The following MYO10 variants were observed in gnomAD, a reference collection of about 807,000 sequenced individuals.
The protein encoded by MYO10 is unconventional myosin-X.
Under a neutral mutation model 257.3 loss-of-function variants are expected in MYO10, and 133 were observed. The observed-to-expected ratio is 0.52, with a 90% CI of 0.45 to 0.60. The LOEUF is 0.60. Ranked by LOEUF, MYO10 falls within the 20% of genes least tolerant of loss-of-function variation. MYO10 has a pLI of 0.00. For missense variants in MYO10, 2,399 were observed against 2,635.7 expected (o/e 0.91, Z 1.97); for synonymous variants, 1,104 against 1,028.6 (o/e 1.07, Z -1.40).
At position 16,709,992 on chromosome 5, in the gene MYO10, C is replaced by T. The variant is rs374276269; in HGVS notation, c.2169+916G>A. ...CACATTGGTCAAACTGCAAGACATACGTCTCTCTCTTCCCCCGCTTTCTCC... is the reference window on the plus strand; with the variant it reads ...CACATTGGTCAAACTGCAAGACATATGTCTCTCTCTTCCCCCGCTTTCTCC... On this transcript the variant is annotated intron_variant, in intron 21 of 40. Transcript: ENST00000513610. Among the ~76,000 whole-genome samples the T allele has an allele frequency of 3.2e-3, 490 of 152,284 alleles. 2 individuals carry two copies. The highest frequency in any genetic ancestry group is 0.011 in the African/African-American group (463 of 41,558).
chr5:16,931,276 C>CAAT (rs1253929995), intron 1 of MYO10, among the ~76,000 whole-genome samples: 29 of 151,774 alleles, frequency 1.9e-4, no homozygotes, highest in Non-Finnish European at 3.2e-4. Flanking sequence ...CATCTCAAAA[C>CAAT]AATAATAATA....
chr5:16,756,098 G>T (rs746711825), intron 18 of MYO10, among the ~76,000 whole-genome samples: 1 of 151,864 alleles, frequency 6.6e-6, no homozygotes, highest in Non-Finnish European at 1.5e-5. Flanking sequence ...TTTGAGACAG[G>T]GTCTCATTCT....
rs1243853200 is a variant in MYO10 at position 16,702,575 on chromosome 5, C to G, written c.2524G>C (p.Glu842Gln). The change falls in exon 24 of 41, where the codon GAG becomes CAG. Residue 842 changes from glutamate to glutamine, a missense_variant. Physicochemically the swap from Glu to Gln is conservative, Grantham distance 29. Around this residue, in one of 3 missense-constraint regions of MYO10, gnomAD observed 1,820 missense variants for 1,939.4 expected, o/e 0.94. Transcript: ENST00000513610. The stretch of plus-strand genomic sequence containing the variant: ...GCGCGGAGCTCGGCTTCTCTTCGCT[C>G]TCTCTCTCTTTCTCTAAAAATAGTA... ...REEEERERERERREAELRAQQ... is the reference protein window; with the variant it reads ...REEEERERERQRREAELRAQQ... 4 of 1,586,928 alleles carry G rather than the reference C, an allele frequency of 2.5e-6. No homozygotes were observed. Among genetic ancestry groups the G allele is most frequent in the Non-Finnish European group, 1.7e-6 (2 of 1,165,934 alleles).
intron 19 of MYO10, among the ~76,000 whole-genome samples, chr5:16,753,388 C>T (rs1243638148): frequency 2.0e-5 from 3 of 151,772 alleles, no homozygotes; most frequent in Non-Finnish European, 4.4e-5. Flanking sequence ...AGGATGGTCT[C>T]CATCTCCTGA....
intron 2 of MYO10, among the ~76,000 whole-genome samples, chr5:16,827,514 C>T (rs766834917): frequency 6.6e-5 from 10 of 152,050 alleles, no homozygotes; most frequent in African/African-American, 2.4e-4. Context: ...CTCGAACTCC[C>T]GTACTCAAGT....
rs559268327 is a variant in MYO10, at chr5:16,867,680, C to T, written c.120+9929G>A. 2.0e-5 allele frequency among the ~76,000 whole-genome samples: 3 copies of T among 152,280 alleles called. No individual in the cohort carries two copies. The South Asian group carries it at 6.2e-4, about 32-fold the overall frequency. ...CGGCTTTAAGTGGGAGCTGCGATTG[C>T]TTTAAGTGGGAGCTGTGATTATAAA... On this transcript the variant is annotated intron_variant, in intron 2 of 40. Coordinates refer to ENST00000513610, the MANE Select transcript of MYO10 (RefSeq NM_012334.3).
At chr5:16,835,958 AAG>A (rs749465757) in intron 2 of MYO10, among the ~76,000 whole-genome samples, 1 of 152,134 alleles carries the variant, frequency 6.6e-6, no homozygotes, top group Non-Finnish European at 1.5e-5. Flanking sequence ...GTGTCTTTGT[AAG>A]TGTCTATGAA....
intron 29 of MYO10, among the ~76,000 whole-genome samples, chr5:16,684,292 C>T (rs981041344): frequency 6.6e-6 from 1 of 152,196 alleles, no homozygotes; most frequent in African/African-American, 2.4e-5. Context: ...GTTGCCCAGG[C>T]TGCGCAATGG....
intron 4 of MYO10, among the ~76,000 whole-genome samples, chr5:16,789,002 C>A (rs1741674740): frequency 6.6e-6 from 1 of 152,108 alleles, no homozygotes. Context: ...CATGACACAC[C>A]TGAAGGAAAA....
At chr5:16,762,316 A>C (rs569854757) in intron 15 of MYO10, among the ~76,000 whole-genome samples, 1 of 152,232 alleles carries the variant, frequency 6.6e-6, no homozygotes, top group South Asian at 2.1e-4. Flanking sequence ...TAATAGATTA[A>C]CAATTTTACG....
intron 1 of MYO10, among the ~76,000 whole-genome samples, chr5:16,929,001 G>A (rs2625191): frequency 0.47 from 70,295 of 149,358 alleles, 16,851 homozygotes; most frequent in Middle Eastern, 0.54. Context: ...CGCCCAGGCT[G>A]GAGTGCAGTG....
At chr5:16,697,498 G>A (rs905491951) in intron 26 of MYO10, among the ~76,000 whole-genome samples, 4 of 152,052 alleles carry the variant, frequency 2.6e-5, no homozygotes, top group African/African-American at 7.2e-5. Flanking sequence ...TTAGGAGTTC[G>A]AGACCAGCCT....
chr5:16,698,669 G>A (rs370995961), intron 26 of MYO10, among the ~76,000 whole-genome samples: 1 of 132,408 alleles, frequency 7.6e-6, no homozygotes, highest in East Asian at 2.1e-4. Flanking sequence ...TGTCGCCCAG[G>A]CTGGGGTGCA....
In MYO10 at chr5:16,715,225, AAAAC is replaced by A. The variant is rs1253334789; in HGVS notation, c.1930-3984_1930-3981del. 4.0e-5 allele frequency among the ~76,000 whole-genome samples: 6 copies of A among 151,822 alleles called. No homozygotes were observed. In the South Asian group the frequency reaches 1.3e-3, roughly 32 times the overall value. On this transcript the variant is annotated intron_variant, in intron 19 of 40. Transcript: ENST00000513610. ...TTTCATGAGGTATTATTGAGTGAGA[AAAAC>A]AAGCTAGAAAGAATCTTACTTAAAA...
intron 27 of MYO10, among the ~76,000 whole-genome samples, chr5:16,691,542 T>C (rs1737503963): frequency 1.3e-5 from 2 of 151,020 alleles, no homozygotes; most frequent in African/African-American, 2.4e-5. Context: ...CTACTAAAAA[T>C]ACAAAAATTA....
chr5:16,726,284 G>A (rs2126608048), intron 19 of MYO10, among the ~76,000 whole-genome samples: 1 of 151,964 alleles, frequency 6.6e-6, no homozygotes, highest in Non-Finnish European at 1.5e-5. Context: ...GATCTCTATG[G>A]TGGTGGTGGT....
At chr5:16,890,018 G>A (rs1234556218) in intron 1 of MYO10, among the ~76,000 whole-genome samples, 1 of 151,806 alleles carries the variant, frequency 6.6e-6, no homozygotes, top group Non-Finnish European at 1.5e-5. Flanking sequence ...CTCAGAACAG[G>A]AGTTTGTTGT....
chr5:16,934,765 AT>A (rs1312350871), intron 1 of MYO10, among the ~76,000 whole-genome samples: 1 of 152,246 alleles, frequency 6.6e-6, no homozygotes, highest in Non-Finnish European at 1.5e-5. Flanking sequence ...GTCAGTGAGC[AT>A]GCAGAAAGCA....
At chr5:16,854,234 C>T (rs1452923375) in intron 2 of MYO10, 1 of 152,140 alleles carries the variant, frequency 6.6e-6, no homozygotes, top group Non-Finnish European at 1.5e-5. Flanking sequence ...AATATTAATG[C>T]TGTAAGAATT....
Sources: allele counts gnomAD v4.1 joint callset (sites outside exome capture counted in the v4.1 genomes callset), GRCh38; gene constraint gnomAD v4.1.1; regional missense constraint gnomAD v4.1.1; transcripts MANE v1.5; gene names NCBI Gene and HGNC (gene_info 2026-07-23, HGNC 2026-07-21).